The following INSC variants were observed in gnomAD, a reference collection of about 807,000 sequenced individuals.
The protein encoded by INSC is protein inscuteable homolog.
In INSC, 67 loss-of-function variants were observed where a neutral mutation model predicts 58.6. The observed-to-expected ratio is 1.14, with a 90% CI of 0.94 to 1.40. The LOEUF is 1.40. INSC is among the 40% of genes most tolerant of loss of function. The pLI is 0.00. For synonymous variants in INSC, 262 were observed against 276.1 expected, an observed-to-expected ratio of 0.95 and a Z score of 0.51; for missense variants, 714 against 692.0, an observed-to-expected ratio of 1.03 and a Z score of -0.36.
At chr11:15,148,994 G>T in intron 1 of INSC, 136 bp from the exon 2 acceptor site, 10 of 1,087,518 alleles carry the variant, frequency 9.2e-6, no homozygotes, top group Non-Finnish European at 1.2e-5. Flanking sequence ...AGTGTAAACT[G>T]GTTCAACAGA....
chr11:15,190,810 C>T lies in INSC; in HGVS notation c.689C>T (p.Ala230Val). Residue 230 changes from alanine to valine, a missense_variant, in exon 6 of 13, where the codon GCC (alanine) becomes GTC (valine). Coordinates refer to ENST00000379556, the MANE Select transcript of INSC (RefSeq NM_001042536.3). Reference protein sequence around the residue: ...QEGAPLCRIIAKEGGVVALFK... With the variant: ...QEGAPLCRIIVKEGGVVALFK... ...GGGGCTCCCTTGTGCCGCATCATAGCCAAGGTGAGCTTCATGGTTAGGGAC... is the reference window on the plus strand; with the variant it reads ...GGGGCTCCCTTGTGCCGCATCATAGTCAAGGTGAGCTTCATGGTTAGGGAC... 6.2e-7 allele frequency: 1 copy of T among 1,609,202 alleles called. No individual in the cohort carries two copies. Among genetic ancestry groups the T allele is most frequent in the South Asian group, 1.1e-5 (1 of 90,990 alleles).
chr11:15,154,589 A>T (rs1192423301), intron 2 of INSC, among the ~76,000 whole-genome samples: 1 of 152,188 alleles, frequency 6.6e-6, no homozygotes, highest in Non-Finnish European at 1.5e-5. Context: ...TCATCATCAA[A>T]TCCCCTGCAG....
intron 7 of INSC, among the ~76,000 whole-genome samples, chr11:15,218,942 C>G (rs1851330954): frequency 6.6e-6 from 1 of 152,076 alleles, no homozygotes. Context: ...TACTTATTTC[C>G]CACTTACTAA....
rs57120673 is a variant in INSC, at chr11:15,200,153, TCACACACACA to T, written c.694-642_694-633del. On this transcript the variant is annotated intron_variant, in intron 6 of 12. Coordinates refer to ENST00000379556, the MANE Select transcript of INSC (RefSeq NM_001042536.3). ...GATGATTGTTTTTAAAAGGGTTATA[TCACACACACA>T]CACACACACACACACACACACACAC... Among the ~76,000 whole-genome samples the T allele has an allele frequency of 8.2e-3, 1,203 of 146,932 alleles. 6 individuals carry two copies. Among genetic ancestry groups the T allele is most frequent in the African/African-American group, 9.6e-3 (379 of 39,662 alleles).
intron 9 of INSC, among the ~76,000 whole-genome samples, chr11:15,230,001 ATATATATATATAATATATATAT>A (rs1851845158): frequency 4.0e-5 from 1 of 25,314 alleles, no homozygotes; most frequent in African/African-American, 1.6e-4. Context: ...ATATATATAT[ATATATATATATAATATATATAT>A]ATATATATAT....
intron 1 of INSC, among the ~76,000 whole-genome samples, chr11:15,124,432 G>A (rs1223741338): frequency 1.3e-5 from 2 of 152,190 alleles, no homozygotes; most frequent in African/African-American, 4.8e-5. Flanking sequence ...TATTCAGGTA[G>A]ATATAAGATA....
chr11:15,186,601 G>A (rs1849978038), intron 5 of INSC, among the ~76,000 whole-genome samples: 1 of 152,132 alleles, frequency 6.6e-6, no homozygotes. Flanking sequence ...TCCCACTTAG[G>A]AGGTATTTTC....
intron 2 of INSC, among the ~76,000 whole-genome samples, chr11:15,152,914 G>C (rs1044095749): frequency 1.3e-5 from 2 of 152,226 alleles, no homozygotes; most frequent in East Asian, 3.9e-4. Context: ...CTGACAGGTA[G>C]AGAGCTAGGA....
intron 6 of INSC, among the ~76,000 whole-genome samples, chr11:15,191,188 C>T (rs1322817110): frequency 6.6e-6 from 1 of 152,076 alleles, no homozygotes; most frequent in Non-Finnish European, 1.5e-5. Context: ...ACCGTGTTAG[C>T]CAGGATGGTC....
chr11:15,161,601 A>G (rs1484752169), intron 2 of INSC, among the ~76,000 whole-genome samples: 1 of 152,186 alleles, frequency 6.6e-6, no homozygotes, highest in Non-Finnish European at 1.5e-5. Context: ...TATTGCACAG[A>G]TGGGTCAGTG....
intron 1 of INSC, among the ~76,000 whole-genome samples, chr11:15,139,781 C>T (rs1038975329): frequency 1.3e-5 from 2 of 152,212 alleles, no homozygotes; most frequent in Non-Finnish European, 2.9e-5. Flanking sequence ...CAACAGAGCT[C>T]TGGATGAAGG....
intron 12 of INSC, chr11:15,241,423 G>GAAAC: frequency 1.9e-6 from 1 of 526,680 alleles, no homozygotes; most frequent in East Asian, 3.1e-5. Flanking sequence ...TGCCGTTGTA[G>GAAAC]AAACAGTGGG....
the INSC span, among the ~76,000 whole-genome samples, chr11:15,260,692 T>C: frequency 6.6e-6 from 1 of 152,202 alleles, no homozygotes; most frequent in East Asian, 1.9e-4. Context: ...ATAGAGATTA[T>C]AATAGACCTG....
chr11:15,115,378 G>A (rs990347748), intron 1 of INSC, among the ~76,000 whole-genome samples: 5 of 152,200 alleles, frequency 3.3e-5, no homozygotes, highest in African/African-American at 1.2e-4. Context: ...TCCACATGTG[G>A]ATGAGTGGAT....
At chr11:15,168,048 G>T (rs1046899657) in intron 2 of INSC, among the ~76,000 whole-genome samples, 6 of 152,106 alleles carry the variant, frequency 3.9e-5, no homozygotes, top group Non-Finnish European at 8.8e-5. Flanking sequence ...TGGGCAAATG[G>T]TCCTCCCCAT....
intron 12 of INSC, among the ~76,000 whole-genome samples, chr11:15,240,796 AC>A (rs1852320191): frequency 6.6e-6 from 1 of 152,166 alleles, no homozygotes; most frequent in Non-Finnish European, 1.5e-5. Flanking sequence ...GGAACCAGGA[AC>A]CTTTGAGGTT....
At chr11:15,123,445 C>T (rs1048954065) in intron 1 of INSC, among the ~76,000 whole-genome samples, 1 of 152,112 alleles carries the variant, frequency 6.6e-6, no homozygotes, top group Non-Finnish European at 1.5e-5. Flanking sequence ...GAAGATTTAT[C>T]ATCTGAGTAA....
intron 1 of INSC, among the ~76,000 whole-genome samples, chr11:15,136,958 C>T (rs1273827411): frequency 6.6e-6 from 1 of 152,162 alleles, no homozygotes; most frequent in Non-Finnish European, 1.5e-5. Flanking sequence ...TCTATGGCAG[C>T]TACAGCCTTA....
At chr11:15,153,911 A>G (rs1303275075) in intron 2 of INSC, among the ~76,000 whole-genome samples, 2 of 152,218 alleles carry the variant, frequency 1.3e-5, no homozygotes, top group Admixed American at 1.3e-4. Context: ...TGTTTCTTAA[A>G]TTAATGCTGT....
Sources: allele counts gnomAD v4.1 joint callset (sites outside exome capture counted in the v4.1 genomes callset), GRCh38; gene constraint gnomAD v4.1.1; transcripts MANE v1.5; gene names NCBI Gene and HGNC (gene_info 2026-07-23, HGNC 2026-07-21).